Variants in LCN1 observed in about 807,000 individuals in gnomAD.
LCN1 encodes the protein lipocalin-1.
LCN1 carries 25 observed loss-of-function variants against 22.3 expected under a neutral mutation model. That is an observed-to-expected ratio of 1.12 (90% confidence interval 0.82 to 1.56). The LOEUF is 1.56. Among genes scored for constraint, LCN1 ranks in the 40% most tolerant of loss-of-function variants. LCN1 has a pLI of 0.00. For synonymous variants in LCN1, 85 were observed against 97.6 expected (o/e 0.87, Z 0.76); for missense variants, 219 against 235.6 (o/e 0.93, Z 0.46).
chr9:135,522,951 G>C (rs1831535399), intron 2 of LCN1, among the ~76,000 whole-genome samples: 1 of 152,184 alleles, frequency 6.6e-6, no homozygotes, highest in Admixed American at 6.5e-5. Context: ...CAGGCAGCCT[G>C]GGTGCCTCTG....
At position 135,523,307 on chromosome 9, in the gene LCN1, GT is replaced by G. The variant is rs1564229398; in HGVS notation, c.292+6del. 1 of 1,612,058 alleles carries G rather than the reference GT, an allele frequency of 6.2e-7. No homozygotes were observed. Among genetic ancestry groups the G allele is most frequent in the Non-Finnish European group, 8.5e-7 (1 of 1,179,146 alleles). On this transcript the variant is annotated splice_donor_region_variant and intron_variant, in intron 3 of 6. Transcript: ENST00000371781. Reference sequence around the variant, plus strand: ...AGCCGGGAAAATACACGGCCGGTGAGTCCCGGGGCCTGAGCCAGAGCCTGAG... The same window carrying G: ...AGCCGGGAAAATACACGGCCGGTGAGCCCGGGGCCTGAGCCAGAGCCTGAG...
chr9:135,526,397 TCC>T lies in LCN1; in HGVS notation c.*56_*57del, dbSNP rs1280330675. 1 of 1,275,760 alleles carries T rather than the reference TCC, an allele frequency of 7.8e-7. No homozygotes were observed. Among genetic ancestry groups the T allele is most frequent in the Non-Finnish European group, 1.0e-6 (1 of 984,824 alleles). 79.0% of individuals were successfully genotyped at this position (1,275,760 alleles called of 1,614,324 possible). On this transcript the variant is annotated 3_prime_UTR_variant, in exon 7 of 7. Transcript: ENST00000371781. Reference sequence around the variant, plus strand: ...CCCAAGGACGGCACCATCCAGCACCTCCGTCATTCACAGGGACATGGAAAAAG... The same window carrying T: ...CCCAAGGACGGCACCATCCAGCACCTGTCATTCACAGGGACATGGAAAAAG...
chr9:135,526,400 G>C lies in LCN1; in HGVS notation c.*58G>C. On this transcript the variant is annotated 3_prime_UTR_variant, in exon 7 of 7. Coordinates refer to ENST00000371781, the MANE Select transcript of LCN1 (RefSeq NM_002297.4). ...AAGGACGGCACCATCCAGCACCTCC[G>C]TCATTCACAGGGACATGGAAAAAGC... 3 of 1,282,518 alleles carry C rather than the reference G, an allele frequency of 2.3e-6. No individual in the cohort carries two copies. The highest frequency in any genetic ancestry group is 3.0e-6 in the Non-Finnish European group (3 of 986,802). The allele number at this position is 1,282,518 out of a possible 1,614,324, so 79.4% of individuals were successfully genotyped here. A position where few individuals can be genotyped will look rare whatever the true frequency, so the allele number is the denominator to read the frequency against.
chr9:135,522,220 A>G, intron 2 of LCN1, 43 bp downstream of exon 2: 1 of 1,584,408 alleles, frequency 6.3e-7, no homozygotes, highest in Non-Finnish European at 8.6e-7. Flanking sequence ...AACCTGGTCT[A>G]GGGCCTTCCC....
intron 6 of LCN1, 112 bp from the exon 7 acceptor site, chr9:135,526,232 A>G (rs1310764230): frequency 1.2e-5 from 2 of 171,658 alleles, no homozygotes; most frequent in Non-Finnish European, 2.2e-5. Flanking sequence ...TGCCCCTGAG[A>G]GCTCACATGG....
intron 2 of LCN1, among the ~76,000 whole-genome samples, chr9:135,522,474 G>C (rs925120605): frequency 9.9e-5 from 15 of 152,232 alleles, no homozygotes; most frequent in African/African-American, 3.1e-4. Context: ...TTGGGAAAAG[G>C]TGTTTACCCC....
At chr9:135,524,737 C>T (rs1831586760) in intron 4 of LCN1, 93 bp from the exon 5 acceptor site, 7 of 998,690 alleles carry the variant, frequency 7.0e-6, no homozygotes, top group Non-Finnish European at 1.0e-5. Flanking sequence ...GCGAGGTCCC[C>T]TTCCCCAGCC....
chr9:135,523,752 G>A, intron 3 of LCN1, 128 bp from the exon 4 acceptor site: 1 of 748,042 alleles, frequency 1.3e-6, no homozygotes. Flanking sequence ...CCTGGGTCAG[G>A]GAGCTCTGGG....
chr9:135,524,184 C>G (rs1319544046), intron 4 of LCN1, among the ~76,000 whole-genome samples, 194 bp downstream of exon 4: 1 of 152,120 alleles, frequency 6.6e-6, no homozygotes. Context: ...GCCCCGGCCT[C>G]GGTATCTGCA....
intron 4 of LCN1, among the ~76,000 whole-genome samples, chr9:135,524,543 G>A (rs61214391): frequency 0.065 from 9,890 of 152,256 alleles, 372 homozygotes; most frequent in African/African-American, 0.095. Flanking sequence ...AAGGGGAGAG[G>A]CGCTTCCTCC....
intron 4 of LCN1, 26 bp downstream of exon 4, chr9:135,524,016 A>AC (rs1564230047): frequency 6.4e-7 from 1 of 1,562,086 alleles, no homozygotes; most frequent in Admixed American, 1.7e-5. Flanking sequence ...TCACCCTGCA[A>AC]CCCATGCCTC....
chr9:135,523,355 C>G (rs56239374), intron 3 of LCN1, 53 bp downstream of exon 3: 667,119 of 1,535,010 alleles, frequency 0.43, 146,013 homozygotes, highest in African/African-American at 0.54. Flanking sequence ...GCTGGATGTG[C>G]GGGGGCAGCC....
At chr9:135,523,204 G>A (rs367826767) in intron 2 of LCN1, 28 bp from the exon 3 acceptor site, 19 of 1,606,250 alleles carry the variant, frequency 1.2e-5, no homozygotes, top group South Asian at 5.6e-5. Context: ...GGCCAGGGCC[G>A]CTTTGCCAGG....
At position 135,523,931 on chromosome 9, in the gene LCN1, A is replaced by C. The variant is rs1382782635; in HGVS notation, c.344A>C (p.Tyr115Ser). 3.1e-6 allele frequency: 5 copies of C among 1,614,124 alleles called. No individual in the cohort carries two copies. The South Asian group carries it at 5.5e-5, about 18-fold the overall frequency. ...ATCAGGTCGCACGTGAAGGACCACT[A>C]CATCTTTTACTGTGAGGGCGAGCTG... ...YIIRSHVKDH[Y>S]IFYCEGELHG... Residue 115 changes from tyrosine to serine, a missense_variant, in exon 4 of 7, where the codon TAC becomes TCC. By Grantham distance (144) the Tyr-to-Ser change is moderately radical (BLOSUM62 -2). Transcript: ENST00000371781.
intron 3 of LCN1, among the ~76,000 whole-genome samples, chr9:135,523,527 G>A (rs1315016481): frequency 6.6e-6 from 1 of 152,238 alleles, no homozygotes; most frequent in Admixed American, 6.5e-5. Flanking sequence ...CGGACCCTCT[G>A]GGCTTGCCCT....
chr9:135,522,950 TG>T (rs909268024), intron 2 of LCN1, among the ~76,000 whole-genome samples: 13 of 138,628 alleles, frequency 9.4e-5, no homozygotes, highest in African/African-American at 3.3e-4. Flanking sequence ...CCAGGCAGCC[TG>T]GGTGCCTCTG....
At chr9:135,523,412 C>T (rs1309531803) in intron 3 of LCN1, 110 bp downstream of exon 3, 2 of 901,248 alleles carry the variant, frequency 2.2e-6, no homozygotes, top group African/African-American at 3.4e-5. Flanking sequence ...CTTTTGCTGC[C>T]TTCTGACTCC....
chr9:135,523,397 G>A, intron 3 of LCN1, 95 bp downstream of exon 3: 2 of 1,150,418 alleles, frequency 1.7e-6, no homozygotes, highest in Non-Finnish European at 2.5e-6. Context: ...TTTGGCCTGG[G>A]AAGCCTTTTG....
intron 2 of LCN1, among the ~76,000 whole-genome samples, chr9:135,523,014 C>T (rs531602314): frequency 2.0e-5 from 3 of 152,264 alleles, no homozygotes; most frequent in African/African-American, 7.2e-5. Context: ...CCAGGAGGAG[C>T]GGTGCAGAGC....
Sources: allele counts gnomAD v4.1 joint callset (sites outside exome capture counted in the v4.1 genomes callset), GRCh38; gene constraint gnomAD v4.1.1; transcripts MANE v1.5; gene names NCBI Gene and HGNC (gene_info 2026-07-23, HGNC 2026-07-21).